The following ATAD2 variants were observed in gnomAD, a reference collection of about 807,000 sequenced individuals.
The protein encoded by ATAD2 is ATPase family AAA domain containing 2, also known as ATPase family AAA domain-containing protein 2.
In ATAD2, 62 loss-of-function variants were observed where a neutral mutation model predicts 168.9. The observed-to-expected ratio is 0.37, with a 90% CI of 0.30 to 0.45. The LOEUF is 0.45. ATAD2 is among the 20% of genes least tolerant of loss of function. The pLI is 1.00. For missense variants in ATAD2, 1,419 were observed against 1,667.8 expected (o/e 0.85, Z 2.60); for synonymous variants, 613 against 571.6 (o/e 1.07, Z -1.03).
intron 16 of ATAD2, 105 bp downstream of exon 16, chr8:123,346,987 T>A (rs1412005828): frequency 7.8e-7 from 1 of 1,288,528 alleles, no homozygotes; most frequent in East Asian, 2.5e-5. Context: ...ATTACCAAAT[T>A]CTTTTCAAGA....
In ATAD2 at chr8:123,333,262, TA is replaced by T. The variant is rs1345848593; in HGVS notation, c.3478+615del. On this transcript the variant is annotated intron_variant, in intron 24 of 27. Transcript: ENST00000287394. ...AAAAAAAAAAAAAAAAAAAAAAAAT[TA>T]GCCAGGCATAGTGGCGGGTGCCTAT... Among the ~76,000 whole-genome samples the T allele has an allele frequency of 2.7e-5, 3 of 111,986 alleles. 1 individual carries two copies. Among genetic ancestry groups the T allele is most frequent in the African/African-American group, 1.0e-4 (3 of 28,882 alleles). The allele number at this position is 111,986 out of a possible 152,430, so 73.5% of individuals were successfully genotyped here. A position where few individuals can be genotyped will look rare whatever the true frequency, so the allele number is the denominator to read the frequency against.
chr8:123,406,816 C>CAA (rs61473512), intron 1 of ATAD2, among the ~76,000 whole-genome samples: 2 of 134,682 alleles, frequency 1.5e-5, no homozygotes, highest in Middle Eastern at 3.8e-3. Flanking sequence ...GACCCTGTCT[C>CAA]AAAAAAAAAA....
chr8:123,328,665 GATAA>G (rs1399607063), intron 24 of ATAD2, 86 bp from the exon 25 acceptor site: 77 of 1,289,134 alleles, frequency 6.0e-5, no homozygotes, highest in Middle Eastern at 2.2e-4. Flanking sequence ...TATATGAAAG[GATAA>G]ATAGTGAGAA....
At chr8:123,416,270 G>GA (rs1049668758) in exon 1 of ATAD2, 8 of 152,992 alleles carry the variant, frequency 5.2e-5, no homozygotes, top group African/African-American at 1.9e-4. Context: ...CAGCGCAGAA[G>GA]CTCAGCCCCT....
intron 1 of ATAD2, 63 bp downstream of exon 1, chr8:123,396,124 C>A (rs1041642119): frequency 1.2e-5 from 17 of 1,473,926 alleles, no homozygotes; most frequent in Non-Finnish European, 1.5e-5. Flanking sequence ...CCCCTCCGAG[C>A]GCCGGGCTGC....
chr8:123,346,856 T>C, intron 16 of ATAD2, 106 bp from the exon 17 acceptor site: 1 of 1,271,932 alleles, frequency 7.9e-7, no homozygotes, highest in South Asian at 1.4e-5. Flanking sequence ...TTTCAAAGAA[T>C]CAAAAATATT....
In ATAD2 at chr8:123,370,038, A is replaced by G. The variant is rs750322143; in HGVS notation, c.728-14T>C. 6.3e-7 allele frequency: 1 copy of G among 1,597,298 alleles called. No homozygotes were observed. Among genetic ancestry groups the G allele is most frequent in the Admixed American group, 1.7e-5 (1 of 59,670 alleles). ...CTTCAGATGACTCTACAATTAAGAG[A>G]TCCTTACTTCCAGAAAGATACTCAG... On this transcript the variant is annotated splice_polypyrimidine_tract_variant and intron_variant, in intron 6 of 27. Transcript: ENST00000287394.
At chr8:123,349,853 A>ATC (rs1481793761) in intron 13 of ATAD2, among the ~76,000 whole-genome samples, 2 of 151,472 alleles carry the variant, frequency 1.3e-5, no homozygotes, top group African/African-American at 4.9e-5. Flanking sequence ...CCTGGGCAAC[A>ATC]TAGGGAAACC....
chr8:123,337,646 A>G lies in ATAD2; in HGVS notation c.3030T>C (p.Thr1010=). 6.2e-7 allele frequency: 1 copy of G among 1,610,674 alleles called. No individual in the cohort carries two copies. The highest frequency in any genetic ancestry group is 8.5e-7 in the Non-Finnish European group (1 of 1,178,500). ...LAIDKRFRVF[T]KPVDPDEVPD... is the part of the protein sequence containing the mutation. ...ATACCTCATCAGGGTCAACAGGCTT[A>G]GTAAACACTCGGAATCGCTTGTCAA... Residue 1010 remains threonine (T), a synonymous_variant, in exon 21 of 28, where the codon ACT becomes ACC. Transcript: ENST00000287394.
At chr8:123,344,490 C>T (rs984277029) in intron 19 of ATAD2, 6 of 179,422 alleles carry the variant, frequency 3.3e-5, no homozygotes, top group South Asian at 1.2e-4. Context: ...GGACTGCAGG[C>T]GCCAGCCACC....
chr8:123,351,292 A>G lies in ATAD2; in HGVS notation c.1647-1848T>C, dbSNP rs1470070986. Among the ~76,000 whole-genome samples the G allele has an allele frequency of 3.3e-5, 5 of 152,094 alleles. No homozygotes were observed. The East Asian group carries it at 9.7e-4, about 29-fold the overall frequency. On this transcript the variant is annotated intron_variant, in intron 13 of 27. Coordinates refer to ENST00000287394, the MANE Select transcript of ATAD2 (RefSeq NM_014109.4). Reference sequence around the variant, plus strand: ...TTATTGTTTAGATAAAGGTTTCCCAAATTAGCACTACTGACATTTTGGGCC... The same window carrying G: ...TTATTGTTTAGATAAAGGTTTCCCAGATTAGCACTACTGACATTTTGGGCC...
At chr8:123,393,064 G>A (rs1019743118) in intron 1 of ATAD2, among the ~76,000 whole-genome samples, 2 of 151,766 alleles carry the variant, frequency 1.3e-5, no homozygotes, top group Non-Finnish European at 2.9e-5. Flanking sequence ...GGTGCCTGTA[G>A]TCCCAGCTAC....
At chr8:123,389,822 A>T (rs1296183917) in intron 1 of ATAD2, among the ~76,000 whole-genome samples, 1 of 149,710 alleles carries the variant, frequency 6.7e-6, no homozygotes, top group African/African-American at 2.5e-5. Context: ...TAGAATACTT[A>T]GTATATGGAT....
At chr8:123,406,582 C>T (rs1161122516) in intron 1 of ATAD2, among the ~76,000 whole-genome samples, 1 of 151,464 alleles carries the variant, frequency 6.6e-6, no homozygotes, top group Non-Finnish European at 1.5e-5. Flanking sequence ...TTTGGGAGGC[C>T]AAGGCAGGAG....
chr8:123,347,423 G>A lies in ATAD2; in HGVS notation c.1898-17C>T. The A allele has an allele frequency of 6.4e-7, 1 of 1,554,522 alleles. No homozygotes were observed. Among genetic ancestry groups the A allele is most frequent in the African/African-American group, 1.4e-5 (1 of 72,912 alleles). On this transcript the variant is annotated splice_polypyrimidine_tract_variant and intron_variant, in intron 15 of 27. Coordinates refer to ENST00000287394, the MANE Select transcript of ATAD2 (RefSeq NM_014109.4). ...CACAGTATCCTATCCAAAGCAACCA[G>A]GGGAAGAAAAGAACCAGCCGACCAA...
At chr8:123,349,024 C>A (rs1201162406) in intron 14 of ATAD2, among the ~76,000 whole-genome samples, 1 of 152,096 alleles carries the variant, frequency 6.6e-6, no homozygotes, top group Admixed American at 6.5e-5. Context: ...ATTGATTACT[C>A]ATTAAGCCAT....
Position 123,372,670 on chromosome 8 carries a change from G to T in ATAD2, c.337C>A (p.Gln113Lys). The change falls in exon 3 of 28, where the codon CAG (glutamine) becomes AAG (lysine). Residue 113 changes from glutamine (Q) to lysine (K), a missense_variant. Transcript: ENST00000287394. ...TGCTCTTCTTTTTTTTTATCAGCCT[G>T]CTGTCTGGCCAACTGCCTATATTTT... Reference protein sequence around the residue: ...RHFTRQLARQQADKKKEEHRE... With the variant: ...RHFTRQLARQKADKKKEEHRE... The T allele has an allele frequency of 6.3e-7, 1 of 1,587,786 alleles. No homozygotes were observed.
intron 24 of ATAD2, among the ~76,000 whole-genome samples, chr8:123,332,695 T>G (rs1489916462): frequency 1.3e-5 from 2 of 152,182 alleles, no homozygotes; most frequent in Non-Finnish European, 1.5e-5. Context: ...GAACCATGAC[T>G]TTTAATGGCA....
At chr8:123,358,144 C>T (rs901393033) in intron 11 of ATAD2, among the ~76,000 whole-genome samples, 5 of 152,182 alleles carry the variant, frequency 3.3e-5, no homozygotes, top group Non-Finnish European at 5.9e-5. Flanking sequence ...GCACTTCCAA[C>T]ATTTCCTGTA....
Sources: gnomAD v4.1 joint callset for allele counts (sites outside exome capture counted in the v4.1 genomes callset) on GRCh38, gnomAD v4.1.1 for gene constraint, MANE v1.5 for transcripts, NCBI Gene and HGNC (gene_info 2026-07-23, HGNC 2026-07-21) for gene names.